The following PARVB variants were observed in gnomAD, a reference collection of about 807,000 sequenced individuals.
The protein encoded by PARVB is parvin beta.
PARVB carries 46 observed loss-of-function variants against 47.0 expected under a neutral mutation model. The observed-to-expected ratio is 0.98, with a 90% CI of 0.77 to 1.25. PARVB has a LOEUF of 1.25. Ranked by LOEUF, PARVB falls within the 50% of genes most tolerant of loss-of-function variation. The pLI is 0.00. For missense variants in PARVB, 473 were observed against 471.6 expected (o/e 1.00, Z -0.03); for synonymous variants, 196 against 196.3 (o/e 1.00, Z 0.01).
chr22:44,135,492 C>T (rs988696766), intron 6 of PARVB, among the ~76,000 whole-genome samples: 1 of 152,178 alleles, frequency 6.6e-6, no homozygotes, highest in Admixed American at 6.5e-5. Context: ...CTCTTGATCT[C>T]ATGATCTGCC....
intron 2 of PARVB, among the ~76,000 whole-genome samples, chr22:44,015,235 TAGTG>T (rs1454801178): frequency 2.6e-5 from 4 of 151,780 alleles, no homozygotes; most frequent in Non-Finnish European, 5.9e-5. Context: ...TTTAGACAGA[TAGTG>T]AGGGTGAAAG....
intron 8 of PARVB, chr22:44,144,657 G>GT (rs1173879361): frequency 2.0e-5 from 3 of 152,236 alleles, no homozygotes; most frequent in Admixed American, 1.3e-4. Flanking sequence ...AATTAGCCAG[G>GT]TGTGGTGGTG....
intron 4 of PARVB, chr22:44,119,899 C>A (rs138632837): frequency 3.9e-6 from 2 of 519,032 alleles, no homozygotes; most frequent in East Asian, 1.1e-4. Flanking sequence ...TATGGAAGAA[C>A]GAGCGAAGAG....
At chr22:44,159,440 G>A (rs1024981863) in intron 11 of PARVB, among the ~76,000 whole-genome samples, 1 of 152,140 alleles carries the variant, frequency 6.6e-6, no homozygotes, top group African/African-American at 2.4e-5. Flanking sequence ...CCTGGCCTGC[G>A]AGGCTTGAGG....
rs558650014 is a variant in PARVB, at chr22:44,057,477, C to T, written c.112+33026C>T. ...GAGCGAGGCCCGAGGAGAGCTGGGA[C>T]GCTGTGTCCTGAGAGCTGTCCAAGG... On this transcript the variant is annotated intron_variant, in intron 1 of 12. Transcript: ENST00000338758. 5.9e-5 allele frequency among the ~76,000 whole-genome samples: 9 copies of T among 152,082 alleles called. 1 individual carries two copies. In the South Asian group the frequency reaches 1.5e-3, roughly 25 times the overall value.
intron 2 of PARVB, among the ~76,000 whole-genome samples, chr22:44,095,257 C>T (rs1569108459): frequency 6.6e-6 from 1 of 151,922 alleles, no homozygotes; most frequent in Non-Finnish European, 1.5e-5. Context: ...ACCTGTAATC[C>T]CAGCACTTTG....
chr22:44,029,083 C>G (rs1050819326), intron 1 of PARVB, among the ~76,000 whole-genome samples: 1 of 152,120 alleles, frequency 6.6e-6, no homozygotes, highest in Non-Finnish European at 1.5e-5. Flanking sequence ...TCCTGGGGCT[C>G]AAGTGATCCT....
chr22:44,091,309 ATTG>A (rs1278445928), intron 1 of PARVB, among the ~76,000 whole-genome samples: 1 of 149,366 alleles, frequency 6.7e-6, no homozygotes, highest in South Asian at 2.1e-4. Flanking sequence ...ATTTAAAAAA[ATTG>A]TTGTAAAATA....
chr22:44,101,768 A>T (rs1325189237), intron 3 of PARVB, among the ~76,000 whole-genome samples: 3 of 151,108 alleles, frequency 2.0e-5, no homozygotes, highest in Non-Finnish European at 2.9e-5. Context: ...AAAAAAAAAG[A>T]AATTCCAAAT....
At chr22:44,128,599 C>G (rs1219760497) in intron 4 of PARVB, among the ~76,000 whole-genome samples, 1 of 152,232 alleles carries the variant, frequency 6.6e-6, no homozygotes, top group African/African-American at 2.4e-5. Flanking sequence ...TTCATATTTT[C>G]AAGTCCTACA....
intron 2 of PARVB, among the ~76,000 whole-genome samples, chr22:44,001,446 CA>C (rs1286899991): frequency 6.6e-6 from 1 of 152,230 alleles, no homozygotes; most frequent in African/African-American, 2.4e-5. Flanking sequence ...CTCCCTGGAA[CA>C]TGCTCAGAAC....
chr22:44,012,399 A>G (rs952541928), intron 2 of PARVB, among the ~76,000 whole-genome samples: 20 of 152,346 alleles, frequency 1.3e-4, no homozygotes, highest in African/African-American at 4.8e-4. Flanking sequence ...CATGGGCAGA[A>G]GTGTTTCCAT....
chr22:44,008,014 A>G (rs932763025), intron 2 of PARVB, among the ~76,000 whole-genome samples: 3 of 152,176 alleles, frequency 2.0e-5, no homozygotes, highest in Non-Finnish European at 4.4e-5. Flanking sequence ...GTATATACGC[A>G]TGCATACACC....
intron 1 of PARVB, among the ~76,000 whole-genome samples, chr22:44,041,309 T>C (rs2051015292): frequency 6.6e-6 from 1 of 151,872 alleles, no homozygotes; most frequent in African/African-American, 2.4e-5. Flanking sequence ...CTTGCCAACA[T>C]GGTGAAACTC....
At chr22:44,165,029 G>C (rs1036540352) in intron 12 of PARVB, among the ~76,000 whole-genome samples, 7 of 152,120 alleles carry the variant, frequency 4.6e-5, no homozygotes, top group African/African-American at 1.7e-4. Context: ...GTCTCACTCT[G>C]TTGCCCAGGC....
chr22:44,018,830 T>C (rs1051141548), intron 2 of PARVB, among the ~76,000 whole-genome samples: 1 of 152,226 alleles, frequency 6.6e-6, no homozygotes, highest in Non-Finnish European at 1.5e-5. Context: ...GGGCTTGCCA[T>C]GGTTATGGTT....
intron 7 of PARVB, among the ~76,000 whole-genome samples, chr22:44,138,201 C>G (rs1036189144): frequency 6.6e-6 from 1 of 152,174 alleles, no homozygotes; most frequent in African/African-American, 2.4e-5. Context: ...GGCGACCCAT[C>G]CTGCTGATGA....
intron 1 of PARVB, among the ~76,000 whole-genome samples, chr22:44,058,018 C>T (rs975124197): frequency 2.6e-5 from 4 of 152,170 alleles, no homozygotes; most frequent in Non-Finnish European, 5.9e-5. Context: ...TTCCCTGAAC[C>T]TCGGTTGCCT....
chr22:44,086,196 C>T (rs905385690), intron 1 of PARVB, among the ~76,000 whole-genome samples: 3 of 152,198 alleles, frequency 2.0e-5, no homozygotes, highest in African/African-American at 4.8e-5. Flanking sequence ...GCTCATTACC[C>T]TGGGCCGGCA....
Sources: allele counts gnomAD v4.1 joint callset (sites outside exome capture counted in the v4.1 genomes callset), GRCh38; gene constraint gnomAD v4.1.1; transcripts MANE v1.5; gene names NCBI Gene and HGNC (gene_info 2026-07-23, HGNC 2026-07-21).